The following SLCO5A1 variants were observed in gnomAD, a reference collection of about 807,000 sequenced individuals.
SLCO5A1 encodes the protein solute carrier organic anion transporter family member 5A1.
In SLCO5A1, 39 loss-of-function variants were observed where a neutral mutation model predicts 65.1. The ratio of observed to expected loss-of-function variants is 0.60; its 90% CI spans 0.46 to 0.78. The LOEUF is 0.78. Ranked by LOEUF, SLCO5A1 falls within the 30% of genes least tolerant of loss-of-function variation. The pLI is 0.00. For synonymous variants in SLCO5A1, 438 were observed against 415.7 expected (o/e 1.05, Z -0.65); for missense variants, 1,029 against 1,069.4 (o/e 0.96, Z 0.53).
intron 5 of SLCO5A1, among the ~76,000 whole-genome samples, chr8:69,718,337 A>G (rs1031080952): frequency 3.3e-5 from 5 of 152,234 alleles, no homozygotes; most frequent in African/African-American, 1.2e-4. Context: ...ATCTGTAAAT[A>G]TAAATAGCTT....
At chr8:69,679,761 T>A in intron 7 of SLCO5A1, 142 bp from the exon 8 acceptor site, 1 of 1,188,908 alleles carries the variant, frequency 8.4e-7, no homozygotes. Context: ...GAAAGTACCT[T>A]CCTCATTGGT....
chr8:69,673,293 A>G lies in SLCO5A1; in HGVS notation c.2123T>C (p.Val708Ala), dbSNP rs1813410592. 6.2e-7 allele frequency: 1 copy of G among 1,614,030 alleles called. No individual in the cohort carries two copies. The highest frequency in any genetic ancestry group is 1.7e-5 in the Admixed American group (1 of 60,004). ...YIPTPIYFGA[V>A]IDTTCMLWQQ... ...CCAGAGCATGCAGGTGGTGTCAATGACTGCTCCAAAGTAGATTGGAGTAGG... is the reference window on the plus strand; with the variant it reads ...CCAGAGCATGCAGGTGGTGTCAATGGCTGCTCCAAAGTAGATTGGAGTAGG... The change falls in exon 10 of 10, where the codon GTC becomes GCC. Residue 708 changes from valine to alanine, a missense_variant. Physicochemically the swap from Val to Ala is moderately conservative, Grantham distance 64. Coordinates refer to ENST00000260126, the MANE Select transcript of SLCO5A1 (RefSeq NM_030958.3).
chr8:69,719,196 A>C (rs928236430), intron 5 of SLCO5A1, among the ~76,000 whole-genome samples: 1 of 152,244 alleles, frequency 6.6e-6, no homozygotes, highest in African/African-American at 2.4e-5. Flanking sequence ...CACTTTGGAC[A>C]AGACAGTGAC....
chr8:69,790,177 G>A (rs922875638), intron 2 of SLCO5A1, among the ~76,000 whole-genome samples: 2 of 143,182 alleles, frequency 1.4e-5, no homozygotes, highest in Non-Finnish European at 3.0e-5. Flanking sequence ...GGGCAACAGA[G>A]CGAGACTCCT....
intron 9 of SLCO5A1, 145 bp downstream of exon 9, chr8:69,676,464 A>G: frequency 1.8e-6 from 1 of 541,584 alleles, no homozygotes; most frequent in Non-Finnish European, 3.2e-6. Flanking sequence ...CAAATCAGAA[A>G]ACAAGGAAGT....
intron 2 of SLCO5A1, among the ~76,000 whole-genome samples, chr8:69,808,136 G>A (rs1037327501): frequency 2.2e-4 from 34 of 151,430 alleles, no homozygotes; most frequent in African/African-American, 7.0e-4. Context: ...ATAGATGTGC[G>A]AGGTTTCTTT....
At chr8:69,834,556 G>A (rs1821333812) in intron 1 of SLCO5A1, among the ~76,000 whole-genome samples, 1 of 152,112 alleles carries the variant, frequency 6.6e-6, no homozygotes, top group South Asian at 2.1e-4. Flanking sequence ...TGCGTGAGGA[G>A]CCGGGGAATC....
chr8:69,722,875 C>T (rs1053603404), intron 5 of SLCO5A1, among the ~76,000 whole-genome samples: 2 of 151,946 alleles, frequency 1.3e-5, no homozygotes, highest in Non-Finnish European at 2.9e-5. Context: ...AACATACATA[C>T]GCATCAATGA....
intron 5 of SLCO5A1, among the ~76,000 whole-genome samples, chr8:69,711,577 G>A (rs1365155170): frequency 1.3e-5 from 2 of 152,232 alleles, no homozygotes; most frequent in Non-Finnish European, 2.9e-5. Context: ...AGCCGTAGAG[G>A]AGAGAACCCA....
chr8:69,815,647 AACAC>A (rs55665513), intron 2 of SLCO5A1, among the ~76,000 whole-genome samples: 6,571 of 141,230 alleles, frequency 0.047, 171 homozygotes, highest in African/African-American at 0.06. Flanking sequence ...GTAAAATATC[AACAC>A]ACACACACAC....
intron 3 of SLCO5A1, chr8:69,761,307 G>A (rs1437144123): frequency 5.6e-6 from 1 of 177,790 alleles, no homozygotes; most frequent in Non-Finnish European, 1.2e-5. Flanking sequence ...GCTGGAGGCT[G>A]GGGAAGAACC....
chr8:69,668,773 T>C lies in SLCO5A1; in HGVS notation c.*4096A>G, dbSNP rs1028412369. On this transcript the variant is annotated 3_prime_UTR_variant, in exon 10 of 10. Coordinates refer to ENST00000260126, the MANE Select transcript of SLCO5A1 (RefSeq NM_030958.3). ...GTGAACATGGAGGACCACCATGACA[T>C]CCATGAGGCCTTACTCCATGTAACT... is the stretch of plus-strand genomic sequence containing the variant. The C allele has an allele frequency of 5.3e-5, 8 of 152,140 alleles. No individual in the cohort carries two copies. The highest frequency in any genetic ancestry group is 3.9e-4 in the Admixed American group (6 of 15,276). 9.4% of individuals were successfully genotyped at this position (152,140 alleles called of 1,614,324 possible).
At chr8:69,738,008 GT>G in intron 5 of SLCO5A1, 31 bp downstream of exon 5, 2 of 1,595,030 alleles carry the variant, frequency 1.3e-6, no homozygotes, top group South Asian at 1.1e-5. Context: ...AAATGATCAT[GT>G]TTTCAAGCAG....
Position 69,742,794 on chromosome 8 carries a change from CTTT to C in SLCO5A1, c.1259-4593_1259-4591del, listed in dbSNP as rs10633803. Among the ~76,000 whole-genome samples, 524 of 83,134 alleles carry C rather than the reference CTTT, an allele frequency of 6.3e-3. 1 individual carries two copies. The highest frequency in any genetic ancestry group is 0.026 in the Middle Eastern group (2 of 78). 54.5% of individuals were successfully genotyped at this position (83,134 alleles called of 152,430 possible). ...CTGAGATAGGTGGTGTGAGTGGATT[CTTT>C]TTTTTTTTTTTTTTTTTTTTTGAGA... On this transcript the variant is annotated intron_variant, in intron 4 of 9. Transcript: ENST00000260126.
At chr8:69,796,909 A>G (rs1191154460) in intron 2 of SLCO5A1, among the ~76,000 whole-genome samples, 2 of 152,156 alleles carry the variant, frequency 1.3e-5, no homozygotes, top group African/African-American at 4.8e-5. Flanking sequence ...AGCAAAAGTG[A>G]CCTTTACTCT....
At position 69,705,208 on chromosome 8, in the gene SLCO5A1, G is replaced by C. The variant is rs1186964935; in HGVS notation, c.1445C>G (p.Ala482Gly). Residue 482 changes from alanine (A) to glycine (G), a missense_variant, in exon 6 of 10, where the codon GCT becomes GGT. Ala to Gly is a moderately conservative substitution (Grantham distance 60). Transcript: ENST00000260126. ...IYTGVIIVPS[A>G]GVGIVLGGYI... ...GCCTCCGAGGACAATACCAACACCA[G>C]CACTGGGGACGATAATAACCCCTGG... The C allele has an allele frequency of 3.7e-6, 6 of 1,613,970 alleles. No homozygotes were observed. The highest frequency in any genetic ancestry group is 5.1e-6 in the Non-Finnish European group (6 of 1,180,018).
At chr8:69,738,225 C>A in intron 4 of SLCO5A1, 21 bp from the exon 5 acceptor site, 3 of 1,576,322 alleles carry the variant, frequency 1.9e-6, no homozygotes, top group Non-Finnish European at 2.6e-6. Flanking sequence ...ACAAAAATGA[C>A]AAATGAATGT....
intron 5 of SLCO5A1, among the ~76,000 whole-genome samples, chr8:69,729,098 T>C (rs905506208): frequency 6.6e-6 from 1 of 152,142 alleles, no homozygotes; most frequent in African/African-American, 2.4e-5. Flanking sequence ...ACACAGGTAC[T>C]GACTTTAAGG....
At chr8:69,696,158 C>T (rs1430831753) in intron 6 of SLCO5A1, among the ~76,000 whole-genome samples, 2 of 152,154 alleles carry the variant, frequency 1.3e-5, no homozygotes, top group African/African-American at 2.4e-5. Flanking sequence ...TAAGCAGGGG[C>T]TTTAAGAGTC....
Sources: gnomAD v4.1 joint callset for allele counts (sites outside exome capture counted in the v4.1 genomes callset) on GRCh38, gnomAD v4.1.1 for gene constraint, MANE v1.5 for transcripts, NCBI Gene and HGNC (gene_info 2026-07-23, HGNC 2026-07-21) for gene names.